ASIC2: variants seen among roughly 807,000 people sequenced by gnomAD.
ASIC2 encodes acid sensing ion channel subunit 2, also known as acid-sensing ion channel 2.
ASIC2 carries 25 observed loss-of-function variants against 57.3 expected under a neutral mutation model. That is an observed-to-expected ratio of 0.44 (90% confidence interval 0.32 to 0.61). ASIC2 has a LOEUF of 0.61. ASIC2 is among the 20% of genes least tolerant of loss of function. ASIC2 has a pLI of 0.06. For missense variants in ASIC2, 641 were observed against 738.1 expected (o/e 0.87, Z 1.52); for synonymous variants, 319 against 307.5 (o/e 1.04, Z -0.39).
intron 1 of ASIC2, among the ~76,000 whole-genome samples, chr17:33,879,136 C>T (rs1189591138): frequency 6.6e-6 from 1 of 152,134 alleles, no homozygotes; most frequent in Non-Finnish European, 1.5e-5. Flanking sequence ...ACAACCGGTA[C>T]CAGCCACTGC....
intron 1 of ASIC2, chr17:34,070,192 C>T (rs116958148): frequency 3.3e-5 from 5 of 152,168 alleles, no homozygotes; most frequent in Admixed American, 6.5e-5. Flanking sequence ...AGCTGGTGCA[C>T]GAACAAGTTT....
intron 1 of ASIC2, among the ~76,000 whole-genome samples, chr17:33,804,138 C>G (rs1912208134): frequency 1.3e-5 from 2 of 152,122 alleles, no homozygotes; most frequent in African/African-American, 4.8e-5. Context: ...CCTGGTTTCC[C>G]CTAAGATCTA....
intron 1 of ASIC2, among the ~76,000 whole-genome samples, chr17:33,893,569 A>G (rs1412231539): frequency 1.3e-5 from 2 of 152,188 alleles, no homozygotes; most frequent in East Asian, 3.9e-4. Flanking sequence ...GGAAAGAGCA[A>G]TATGATCAAT....
rs371872746 is a variant in ASIC2 at position 33,309,147 on chromosome 17, CT to C, written c.556-197081del. On this transcript the variant is annotated intron_variant, in intron 1 of 9. Transcript: ENST00000359872. ...CAGATCTTTTTTCTGCCACCAACTC[CT>C]TTTTTTTTTCTTTCTTCTCTTCCTC... is the stretch of plus-strand genomic sequence containing the variant. 4.0e-3 allele frequency among the ~76,000 whole-genome samples: 606 copies of C among 149,644 alleles called. 1 individual carries two copies. The highest frequency in any genetic ancestry group is 6.3e-3 in the Non-Finnish European group (425 of 67,142).
intron 1 of ASIC2, chr17:34,118,238 C>A (rs556139292): frequency 3.3e-5 from 5 of 152,124 alleles, no homozygotes; most frequent in Non-Finnish European, 1.5e-5. Context: ...ATAGTATACA[C>A]CTCACAGAGC....
At chr17:33,731,719 T>A (rs1393312289) in intron 1 of ASIC2, among the ~76,000 whole-genome samples, 4 of 152,236 alleles carry the variant, frequency 2.6e-5, no homozygotes, top group Non-Finnish European at 5.9e-5. Flanking sequence ...ATCATAAGTG[T>A]CTCAGCTTAG....
chr17:33,919,213 GT>G (rs1915655158), intron 1 of ASIC2, among the ~76,000 whole-genome samples: 1 of 152,194 alleles, frequency 6.6e-6, no homozygotes, highest in Non-Finnish European at 1.5e-5. Context: ...GATCTGGGTG[GT>G]CCTGGAAAGG....
chr17:33,630,393 T>C (rs914079452), intron 1 of ASIC2, among the ~76,000 whole-genome samples: 6 of 152,198 alleles, frequency 3.9e-5, no homozygotes, highest in African/African-American at 1.4e-4. Context: ...CGAACCAGTC[T>C]GCACATGCCA....
chr17:33,865,782 A>AC (rs1486291243), intron 1 of ASIC2, among the ~76,000 whole-genome samples: 14 of 91,670 alleles, frequency 1.5e-4, no homozygotes, highest in African/African-American at 5.9e-4. Flanking sequence ...CAAAAAAAAA[A>AC]ACGTTTTTTT....
At chr17:33,040,898 G>T (rs577393923) in intron 3 of ASIC2, among the ~76,000 whole-genome samples, 3 of 152,296 alleles carry the variant, frequency 2.0e-5, no homozygotes, top group East Asian at 3.9e-4. Flanking sequence ...GGGGGCCTCA[G>T]AAAGGCTTTT....
At chr17:33,590,692 C>T in intron 1 of ASIC2, among the ~76,000 whole-genome samples, 1 of 152,094 alleles carries the variant, frequency 6.6e-6, no homozygotes, top group African/African-American at 2.4e-5. Flanking sequence ...TACACCACAC[C>T]CCAATCTCTC....
chr17:33,783,288 C>A (rs1327536362), intron 1 of ASIC2, among the ~76,000 whole-genome samples: 1 of 152,230 alleles, frequency 6.6e-6, no homozygotes, highest in East Asian at 1.9e-4. Flanking sequence ...AGCCTAGGTT[C>A]AAATCATCCC....
intron 1 of ASIC2, among the ~76,000 whole-genome samples, chr17:33,209,332 T>C (rs1369815986): frequency 6.6e-6 from 1 of 152,194 alleles, no homozygotes; most frequent in African/African-American, 2.4e-5. Flanking sequence ...AGTCTATAGG[T>C]CAGCCATACA....
chr17:33,842,922 G>C (rs569779127), intron 1 of ASIC2, among the ~76,000 whole-genome samples: 33 of 152,272 alleles, frequency 2.2e-4, no homozygotes, highest in Non-Finnish European at 4.0e-4. Context: ...GGAATTCCAG[G>C]GAGACAGATT....
chr17:33,286,674 T>G lies in ASIC2; in HGVS notation c.708+4734A>C, dbSNP rs140439229. ...TCCTTTTCTACTTTGGAGCTTCTAC[T>G]TATCCTTCAAGATTTAGCTGAGATA... On this transcript the variant is annotated intron_variant, in intron 1 of 9. Transcript: ENST00000225823. Among the ~76,000 whole-genome samples the G allele has an allele frequency of 1.5e-3, 226 of 152,336 alleles. 1 individual carries two copies. The highest frequency in any genetic ancestry group is 5.0e-3 in the African/African-American group (206 of 41,580).
intron 1 of ASIC2, among the ~76,000 whole-genome samples, chr17:33,987,705 G>A (rs1905868536): frequency 6.6e-6 from 1 of 152,136 alleles, no homozygotes; most frequent in African/African-American, 2.4e-5. Flanking sequence ...CTGAGGCACT[G>A]TTAGGTGAAA....
intron 1 of ASIC2, among the ~76,000 whole-genome samples, chr17:34,132,567 T>A (rs1912017048): frequency 6.6e-6 from 1 of 151,914 alleles, no homozygotes; most frequent in Non-Finnish European, 1.5e-5. Flanking sequence ...AGAGCACTGA[T>A]TGGTGCATTT....
chr17:33,764,315 TAAA>T (rs575208109), intron 1 of ASIC2, among the ~76,000 whole-genome samples: 1 of 110,998 alleles, frequency 9.0e-6, no homozygotes, highest in Non-Finnish European at 1.9e-5. Context: ...AGACTCTGTC[TAAA>T]AAAAAAAAAA....
intron 1 of ASIC2, chr17:34,069,313 T>TCTTC (rs1909300253): frequency 8.2e-6 from 1 of 121,398 alleles, no homozygotes; most frequent in South Asian, 3.3e-4. Flanking sequence ...TTCCTTCCTT[T>TCTTC]CTTCCTTTCC....
Sources: allele counts gnomAD v4.1 joint callset (sites outside exome capture counted in the v4.1 genomes callset), GRCh38; gene constraint gnomAD v4.1.1; transcripts MANE v1.5; gene names NCBI Gene and HGNC (gene_info 2026-07-23, HGNC 2026-07-21).